PACC1: variants seen among roughly 807,000 people sequenced by gnomAD.
The protein encoded by PACC1 is proton activated chloride channel 1, also known as proton-activated chloride channel.
PACC1 carries 34 observed loss-of-function variants against 39.7 expected under a neutral mutation model. The observed-to-expected ratio is 0.86, with a 90% CI of 0.65 to 1.14. PACC1 has a LOEUF of 1.14. Ranked by LOEUF, PACC1 falls within the 50% of genes most tolerant of loss-of-function variation. PACC1 has a pLI of 0.00. For missense variants in PACC1, 379 were observed against 436.4 expected (o/e 0.87, Z 1.17); for synonymous variants, 127 against 160.6 (o/e 0.79, Z 1.58).
At chr1:212,378,627 C>T (rs937059864) in intron 5 of PACC1, among the ~76,000 whole-genome samples, 7 of 152,146 alleles carry the variant, frequency 4.6e-5, no homozygotes, top group Non-Finnish European at 7.4e-5. Context: ...CTAGGCTCCA[C>T]GGTGTGACCC....
intron 4 of PACC1, among the ~76,000 whole-genome samples, chr1:212,381,062 T>A (rs2102487656): frequency 6.6e-6 from 1 of 152,366 alleles, no homozygotes; most frequent in Non-Finnish European, 1.5e-5. Flanking sequence ...CACACATACA[T>A]ACTCTAAATT....
intron 7 of PACC1, among the ~76,000 whole-genome samples, chr1:212,371,895 T>C (rs769989256): frequency 6.6e-6 from 1 of 152,182 alleles, no homozygotes; most frequent in Non-Finnish European, 1.5e-5. Flanking sequence ...ATAAATGTAA[T>C]ACATCACATT....
At chr1:212,406,101 C>T (rs1311057797) in intron 2 of PACC1, among the ~76,000 whole-genome samples, 40 of 126,778 alleles carry the variant, frequency 3.2e-4, no homozygotes, top group African/African-American at 1.1e-3. Flanking sequence ...AAGGTCCCAC[C>T]CCACAAAAAA....
intron 6 of PACC1, 109 bp downstream of exon 6, chr1:212,377,453 C>A: frequency 6.9e-7 from 1 of 1,445,766 alleles, no homozygotes; most frequent in Non-Finnish European, 9.5e-7. Context: ...AAGGCCTACT[C>A]ACCCTTAAGG....
intron 2 of PACC1, among the ~76,000 whole-genome samples, chr1:212,390,610 AGCGCACCGAGTGTGAGCT>A (rs1235843946): frequency 1.3e-5 from 2 of 152,008 alleles, no homozygotes; most frequent in Non-Finnish European, 2.9e-5. Flanking sequence ...CAGTGGGTGC[AGCGCACCGAGTGTGAGCT>A]GAAGCAGGGT....
chr1:212,382,401 T>C (rs533958118), intron 4 of PACC1, among the ~76,000 whole-genome samples: 16 of 152,002 alleles, frequency 1.1e-4, no homozygotes, highest in Admixed American at 8.5e-4. Flanking sequence ...ATTTGGGCAG[T>C]GGGAAAATGG....
At chr1:212,410,638 C>T in intron 1 of PACC1, 117 bp from the exon 2 acceptor site, 1 of 912,192 alleles carries the variant, frequency 1.1e-6, no homozygotes, top group South Asian at 1.3e-5. Context: ...AACCACATGA[C>T]ATAGAGTGTG....
At chr1:212,407,202 G>A (rs1157668817) in intron 2 of PACC1, among the ~76,000 whole-genome samples, 3 of 152,178 alleles carry the variant, frequency 2.0e-5, no homozygotes, top group Non-Finnish European at 1.5e-5. Flanking sequence ...AGGGAGGCAG[G>A]AGAGTCAGCA....
Position 212,414,871 on chromosome 1 carries a change from G to T in PACC1, c.-114C>A. 1.4e-6 allele frequency: 2 copies of T among 1,399,580 alleles called. No homozygotes were observed. Among genetic ancestry groups the T allele is most frequent in the South Asian group, 1.2e-5 (1 of 80,294 alleles). The allele number at this position is 1,399,580 out of a possible 1,614,324, so 86.7% of individuals were successfully genotyped here. ...GGCTCCGCGAGGCGAAACCGGTCCG[G>T]AGGGGCGTCCCAGAGACCAGGCGTG... On this transcript the variant is annotated 5_prime_UTR_variant, in exon 1 of 8. Coordinates refer to ENST00000261455, the MANE Select transcript of PACC1 (RefSeq NM_018252.3).
chr1:212,406,769 T>C lies in PACC1; in HGVS notation c.133+3656A>G, dbSNP rs1661935844. Among the ~76,000 whole-genome samples, 3 of 152,244 alleles carry C rather than the reference T, an allele frequency of 2.0e-5. No individual in the cohort carries two copies. The South Asian group carries it at 6.2e-4, about 32-fold the overall frequency. On this transcript the variant is annotated intron_variant, in intron 2 of 7. Transcript: ENST00000261455. ...TTGCTCTGCCTGAGGCCTGGCTTCC[T>C]ATTCTGATTGACCCCAGGCTTTGCA...
At chr1:212,367,473 C>T (rs1459640797) in intron 7 of PACC1, among the ~76,000 whole-genome samples, 1 of 152,190 alleles carries the variant, frequency 6.6e-6, no homozygotes, top group Non-Finnish European at 1.5e-5. Context: ...GTATTAGGCC[C>T]ACCCCAGATC....
rs370542732 is a variant in PACC1 at position 212,387,089 on chromosome 1, C to T, written c.145G>A (p.Glu49Lys). 96 of 1,613,750 alleles carry T rather than the reference C, an allele frequency of 5.9e-5. No homozygotes were observed. In the Admixed American group the frequency reaches 1.4e-3, roughly 24 times the overall value. ...GPGILPGLDS[E>K]SASSSIRFSK... The stretch of plus-strand genomic sequence containing the variant: ...AAGCGGATGCTGCTGGAGGCGGACT[C>T]GCTGTCCAGGCCTGACAACAACAAA... Residue 49 changes from glutamate (E) to lysine (K), a missense_variant, in exon 3 of 8, where the codon GAG (glutamate) becomes AAG (lysine). Glu to Lys is a moderately conservative substitution (Grantham distance 56, BLOSUM62 1). Transcript: ENST00000261455.
chr1:212,386,799 A>G lies in PACC1; in HGVS notation c.343+92T>C. The G allele has an allele frequency of 1.6e-6, 2 of 1,285,990 alleles. No homozygotes were observed. Among genetic ancestry groups the G allele is most frequent in the Non-Finnish European group, 2.2e-6 (2 of 893,152 alleles). The allele number at this position is 1,285,990 out of a possible 1,614,324, so 79.7% of individuals were successfully genotyped here. A position where few individuals can be genotyped will look rare whatever the true frequency, so the allele number is the denominator to read the frequency against. On this transcript the variant is annotated intron_variant, in intron 3 of 7. Coordinates refer to ENST00000261455, the MANE Select transcript of PACC1 (RefSeq NM_018252.3). This position sits in a 1 kb window ranked among gnomAD's most constrained non-coding sequence, Gnocchi z 5.0. ...GGTTGGACTCCTCTGCCCTGCCCGTAGTACCACAAATACAACGGCAGCTCA... is the reference window on the plus strand; with the variant it reads ...GGTTGGACTCCTCTGCCCTGCCCGTGGTACCACAAATACAACGGCAGCTCA...
chr1:212,413,031 G>C (rs1442286152), intron 1 of PACC1, among the ~76,000 whole-genome samples: 2 of 152,160 alleles, frequency 1.3e-5, no homozygotes, highest in Non-Finnish European at 2.9e-5. Context: ...TGGGCTTTCT[G>C]ACTTTTATCC....
intron 5 of PACC1, 152 bp downstream of exon 5, chr1:212,379,743 A>G (rs555164161): frequency 1.1e-6 from 1 of 900,396 alleles, no homozygotes; most frequent in Admixed American, 2.6e-5. Flanking sequence ...GGACCGGCCA[A>G]GCTCATGAGG....
Position 212,386,564 on chromosome 1 carries a change from C to T in PACC1, c.343+327G>A, listed in dbSNP as rs12119779. Among the ~76,000 whole-genome samples the T allele has an allele frequency of 0.16, 24,658 of 152,060 alleles. 2,761 individuals are homozygous for T. The highest frequency in any genetic ancestry group is 0.38 in the East Asian group (1,969 of 5,142). On this transcript the variant is annotated intron_variant, in intron 3 of 7. Transcript: ENST00000261455. This position sits in a 1 kb window ranked among gnomAD's most constrained non-coding sequence, Gnocchi z 5.0. ...CCCTCTGCCTCCCTAGACACCCCTT[C>T]GCTCTGCTGATCCCCATCCCAAAGA...
Position 212,414,865 on chromosome 1 carries a change from G to C in PACC1, c.-108C>G. On this transcript the variant is annotated 5_prime_UTR_variant, in exon 1 of 8. Transcript: ENST00000261455. ...CCTACCGGCTCCGCGAGGCGAAACCGGTCCGGAGGGGCGTCCCAGAGACCA... is the reference window on the plus strand; with the variant it reads ...CCTACCGGCTCCGCGAGGCGAAACCCGTCCGGAGGGGCGTCCCAGAGACCA... The C allele has an allele frequency of 7.0e-7, 1 of 1,418,558 alleles. No homozygotes were observed. Among genetic ancestry groups the C allele is most frequent in the Non-Finnish European group, 9.7e-7 (1 of 1,026,824 alleles). The allele number at this position is 1,418,558 out of a possible 1,614,324, so 87.9% of individuals were successfully genotyped here. A position where few individuals can be genotyped will look rare whatever the true frequency, so the allele number is the denominator to read the frequency against.
intron 7 of PACC1, among the ~76,000 whole-genome samples, chr1:212,370,613 G>A (rs1431778979): frequency 6.6e-6 from 1 of 152,104 alleles, no homozygotes; most frequent in Non-Finnish European, 1.5e-5. Flanking sequence ...TGACCACAGT[G>A]GAATAAAACT....
intron 1 of PACC1, among the ~76,000 whole-genome samples, chr1:212,412,040 T>C (rs534052416): frequency 2.0e-5 from 3 of 151,218 alleles, no homozygotes; most frequent in East Asian, 1.9e-4. Flanking sequence ...ACTTGGGAGG[T>C]TGAAGCAGGA....
Sources: gnomAD v4.1 joint callset for allele counts (sites outside exome capture counted in the v4.1 genomes callset) on GRCh38, gnomAD v4.1.1 for gene constraint, Gnocchi (gnomAD v3.1) non-coding constraint, MANE v1.5 for transcripts, NCBI Gene and HGNC (gene_info 2026-07-23, HGNC 2026-07-21) for gene names.